Variants in ITPR1 observed in about 807,000 individuals in gnomAD.
The protein encoded by ITPR1 is inositol 1,4,5-trisphosphate-gated calcium channel ITPR1.
ITPR1 carries 96 observed loss-of-function variants against 318.4 expected under a neutral mutation model. That is an observed-to-expected ratio of 0.30 (90% CI 0.26 to 0.36). The LOEUF (loss-of-function observed/expected upper bound fraction) is 0.36, where lower values mean the gene tolerates loss of function less well. Among genes scored for constraint, ITPR1 ranks in the 10% least tolerant of loss-of-function variants. The probability of loss-of-function intolerance (pLI) is 1.00; values close to 1 mark genes in which losing one functional copy is unlikely to be tolerated. For synonymous variants in ITPR1, 1,312 were observed against 1,289.9 expected, an observed-to-expected ratio of 1.02 and a Z score of -0.37; for missense variants, 2,440 against 3,460.2, an observed-to-expected ratio of 0.71 and a Z score of 7.40.
At chr3:4,527,677 C>CGA (rs2083091609) in intron 4 of ITPR1, among the ~76,000 whole-genome samples, 1 of 152,142 alleles carries the variant, frequency 6.6e-6, no homozygotes, top group Non-Finnish European at 1.5e-5. Flanking sequence ...TAATGACAGT[C>CGA]TGAGTATTGT....
chr3:4,661,158 A>T, intron 14 of ITPR1, 71 bp downstream of exon 14: 1 of 844,718 alleles, frequency 1.2e-6, no homozygotes, highest in South Asian at 1.5e-5. Context: ...TTGAGGACAG[A>T]TCAGGGAGTA....
chr3:4,630,714 T>G (rs2092990674), intron 5 of ITPR1, among the ~76,000 whole-genome samples: 1 of 151,760 alleles, frequency 6.6e-6, no homozygotes, highest in South Asian at 2.1e-4. Context: ...GCCTCCCAAG[T>G]AGATGGAATT....
intron 4 of ITPR1, among the ~76,000 whole-genome samples, chr3:4,540,371 A>G: frequency 6.6e-6 from 1 of 152,142 alleles, no homozygotes; most frequent in Non-Finnish European, 1.5e-5. Context: ...ATTCTCTGTC[A>G]TTATATTTTA....
intron 41 of ITPR1, among the ~76,000 whole-genome samples, chr3:4,726,771 A>T (rs894311374): frequency 1.3e-5 from 2 of 152,244 alleles, no homozygotes; most frequent in Non-Finnish European, 2.9e-5. Flanking sequence ...TGTATGAATC[A>T]TAAGGACCTG....
chr3:4,789,382 C>T (rs1030632348), intron 52 of ITPR1, among the ~76,000 whole-genome samples: 1 of 152,224 alleles, frequency 6.6e-6, no homozygotes, highest in African/African-American at 2.4e-5. Context: ...CTTGCAGCTC[C>T]AGGATCCTCA....
At chr3:4,762,333 C>T (rs376042903) in intron 44 of ITPR1, among the ~76,000 whole-genome samples, 142 of 152,292 alleles carry the variant, frequency 9.3e-4, no homozygotes, top group African/African-American at 3.3e-3. Flanking sequence ...CTGTAGTGAT[C>T]TCATTGAACC....
rs986122555 is a variant in ITPR1, at chr3:4,570,767, C to T, written c.163+49673C>T. 2.6e-5 allele frequency among the ~76,000 whole-genome samples: 4 copies of T among 152,184 alleles called. No individual in the cohort carries two copies. The East Asian group carries it at 5.8e-4, about 22-fold the overall frequency. The stretch of plus-strand genomic sequence containing the variant: ...ATTTTGGGGAGCCAAGTTGTCCCCA[C>T]GTATCAGTGGTGATAAATGGATCAG... On this transcript the variant is annotated intron_variant, in intron 4 of 61. Coordinates refer to ENST00000649015, the MANE Select transcript of ITPR1 (RefSeq NM_001378452.1).
intron 44 of ITPR1, among the ~76,000 whole-genome samples, chr3:4,738,229 AAAC>A (rs978374349): frequency 3.9e-5 from 6 of 152,222 alleles, no homozygotes; most frequent in South Asian, 2.1e-4. Context: ...AAAAGAAAAA[AAAC>A]AACAACTCAG....
At position 4,812,867 on chromosome 3, in the gene ITPR1, G is replaced by A. The variant is rs147574395; in HGVS notation, c.7469-275G>A. On this transcript the variant is annotated intron_variant, in intron 56 of 61. Coordinates refer to ENST00000649015, the MANE Select transcript of ITPR1 (RefSeq NM_001378452.1). ...AGAGTCTGTACGTTCAGTAGTATCT[G>A]TCTAAGAGTTTCAGCTGTTTGTCTT... Among the ~76,000 whole-genome samples the A allele has an allele frequency of 7.2e-4, 109 of 152,318 alleles. 2 individuals are homozygous for A. The East Asian group carries it at 0.018, about 25-fold the overall frequency.
chr3:4,568,724 C>T (rs1038596361), intron 4 of ITPR1, among the ~76,000 whole-genome samples: 1 of 152,062 alleles, frequency 6.6e-6, no homozygotes, highest in Non-Finnish European at 1.5e-5. Flanking sequence ...ATAGAGGGAG[C>T]CAGGTGTCAG....
chr3:4,727,313 C>A, intron 42 of ITPR1, 140 bp downstream of exon 42: 1 of 584,962 alleles, frequency 1.7e-6, no homozygotes, highest in Non-Finnish European at 2.9e-6. Context: ...CAATCACAGC[C>A]ATGTATATAA....
At chr3:4,518,513 G>A (rs2082323576) in intron 3 of ITPR1, among the ~76,000 whole-genome samples, 1 of 152,088 alleles carries the variant, frequency 6.6e-6, no homozygotes, top group South Asian at 2.1e-4. Context: ...GTAAAAATGG[G>A]GTTGGAAAGA....
intron 4 of ITPR1, among the ~76,000 whole-genome samples, chr3:4,551,311 G>A (rs922724433): frequency 6.6e-5 from 10 of 152,198 alleles, no homozygotes; most frequent in South Asian, 2.1e-4. Context: ...CAGTATCACC[G>A]TATTTATGGG....
In ITPR1 at chr3:4,565,872, A is replaced by G. The variant is rs569370178; in HGVS notation, c.163+44778A>G. Among the ~76,000 whole-genome samples, 14 of 152,362 alleles carry G rather than the reference A, an allele frequency of 9.2e-5. No individual in the cohort carries two copies. In the South Asian group the frequency reaches 2.7e-3, roughly 29 times the overall value. ...GCGATTTTCATGTTCCACTAAGTAT[A>G]TTAATATCAAAAGTGATATTGATGT... On this transcript the variant is annotated intron_variant, in intron 4 of 61. Transcript: ENST00000649015.
chr3:4,784,852 G>A (rs760304123), intron 51 of ITPR1, among the ~76,000 whole-genome samples: 3 of 151,864 alleles, frequency 2.0e-5, no homozygotes, highest in Admixed American at 6.6e-5. Flanking sequence ...GGCCAAGATC[G>A]CACCACTGCA....
At chr3:4,607,688 G>A (rs889728171) in intron 4 of ITPR1, among the ~76,000 whole-genome samples, 2 of 152,048 alleles carry the variant, frequency 1.3e-5, no homozygotes, top group African/African-American at 2.4e-5. Context: ...ATTTGTGGGG[G>A]TGCAGTCATA....
At chr3:4,746,849 A>G (rs1445673672) in intron 44 of ITPR1, among the ~76,000 whole-genome samples, 1 of 152,186 alleles carries the variant, frequency 6.6e-6, no homozygotes, top group Non-Finnish European at 1.5e-5. Context: ...TTGGTTGTTT[A>G]TCTTCCCTCA....
At chr3:4,821,983 G>A (rs2049753960) in intron 60 of ITPR1, among the ~76,000 whole-genome samples, 1 of 152,150 alleles carries the variant, frequency 6.6e-6, no homozygotes. Context: ...TCAAAGCTGG[G>A]GCCAGGCTGA....
At chr3:4,581,367 T>G (rs1050164615) in intron 4 of ITPR1, among the ~76,000 whole-genome samples, 1 of 152,176 alleles carries the variant, frequency 6.6e-6, no homozygotes, top group African/African-American at 2.4e-5. Flanking sequence ...CTCCCTGGTG[T>G]AGGGTTAAAA....
Sources: allele counts gnomAD v4.1 joint callset (sites outside exome capture counted in the v4.1 genomes callset), GRCh38; gene constraint gnomAD v4.1.1; transcripts MANE v1.5; gene names NCBI Gene and HGNC (gene_info 2026-07-23, HGNC 2026-07-21).